STAB1: variants seen among roughly 807,000 people sequenced by gnomAD.
The protein encoded by STAB1 is stabilin-1.
In STAB1, 250 loss-of-function variants were observed where a neutral mutation model predicts 332.4. That is an observed-to-expected ratio of 0.75 (90% CI 0.68 to 0.84). The LOEUF is 0.84. Ranked by LOEUF, STAB1 falls within the 40% of genes least tolerant of loss-of-function variation. STAB1 has a pLI of 0.00. For missense variants in STAB1, 3,249 were observed against 3,489.7 expected (o/e 0.93, Z 1.74); for synonymous variants, 1,475 against 1,390.4 (o/e 1.06, Z -1.35).
rs754305082 is a variant in STAB1 at position 52,517,619 on chromosome 3, T to C, written c.4633T>C (p.Ser1545Pro). The C allele has an allele frequency of 2.9e-5, 46 of 1,612,606 alleles. No homozygotes were observed. Among genetic ancestry groups the C allele is most frequent in the Non-Finnish European group, 3.7e-5 (44 of 1,179,852 alleles). The change falls in exon 44 of 69, where the codon TCT becomes CCT. Residue 1545 changes from serine to proline, a missense_variant. Transcript: ENST00000321725. ...IRTCELLDPC[S>P]KNNGGCSPYA... ...GACCTGCGAGCTCCTGGACCCCTGC[T>C]CTAAGGTCAGGACCCTAGTCCTGTC...
At chr3:52,521,753 C>T (rs527801406) in intron 57 of STAB1, 53 bp downstream of exon 57, 11 of 1,607,090 alleles carry the variant, frequency 6.8e-6, no homozygotes, top group African/African-American at 6.7e-5. Flanking sequence ...CATGTGCACA[C>T]ATCAGTAAAG....
chr3:52,499,022 G>A (rs1044470759), intron 1 of STAB1, among the ~76,000 whole-genome samples: 2 of 152,228 alleles, frequency 1.3e-5, no homozygotes, highest in Non-Finnish European at 2.9e-5. Context: ...AGTGTCAGGG[G>A]CACCATTTCT....
At position 52,522,175 on chromosome 3, in the gene STAB1, C is replaced by G; in HGVS notation, c.6410C>G (p.Thr2137Arg). The G allele has an allele frequency of 6.2e-7, 1 of 1,612,766 alleles. No homozygotes were observed. Among genetic ancestry groups the G allele is most frequent in the African/African-American group, 1.3e-5 (1 of 75,010 alleles). The change falls in exon 59 of 69, where the codon ACA becomes AGA. Residue 2137 changes from threonine (T) to arginine (R), a missense_variant. By Grantham distance (71) the Thr-to-Arg change is moderately conservative (BLOSUM62 -1). Transcript: ENST00000321725. Reference sequence around the variant, plus strand: ...AGCTGCCGGGCCCGCAACCCCTGCACAGATGGCCACCGCGGGGGCTGCAGC... The same window carrying G: ...AGCTGCCGGGCCCGCAACCCCTGCAGAGATGGCCACCGCGGGGGCTGCAGC... The part of the protein sequence containing the change: ...GWSCRARNPC[T>R]DGHRGGCSEH...
Position 52,503,733 on chromosome 3 carries a change from T to C in STAB1, c.892-39T>C, listed in dbSNP as rs777984186. ...GGGCAGACACCAGTGGTTCTTGGGG[T>C]TGGACGTGGTGTTCCCCTCCTGCCC... On this transcript the variant is annotated intron_variant, in intron 8 of 68. Transcript: ENST00000321725. 9 of 1,611,064 alleles carry C rather than the reference T, an allele frequency of 5.6e-6. No homozygotes were observed. The South Asian group carries it at 9.9e-5, about 18-fold the overall frequency.
chr3:52,495,631 G>A, intron 1 of STAB1, 140 bp downstream of exon 1: 1 of 770,088 alleles, frequency 1.3e-6, no homozygotes, highest in South Asian at 6.3e-5. Flanking sequence ...TAGCAGGCCT[G>A]GGGGCTGGCT....
At position 52,503,829 on chromosome 3, in the gene STAB1, T is replaced by C. The variant is rs1329692740; in HGVS notation, c.949T>C (p.Cys317Arg). ...VSINSNASAG[C>R]FAFCSPFSCD... is the part of the protein sequence containing the mutation. ...CATCAACAGCAACGCTTCTGCGGGC[T>C]GCTTCGCCTTCTGCTCCCCCTTCTC... The change falls in exon 9 of 69, where the codon TGC becomes CGC. Residue 317 changes from cysteine (C) to arginine (R), a missense_variant. Coordinates refer to ENST00000321725, the MANE Select transcript of STAB1 (RefSeq NM_015136.3). 16 of 1,613,130 alleles carry C rather than the reference T, an allele frequency of 9.9e-6. No individual in the cohort carries two copies. Among genetic ancestry groups the C allele is most frequent in the Non-Finnish European group, 1.3e-5 (15 of 1,180,024 alleles).
At position 52,502,683 on chromosome 3, in the gene STAB1, G is replaced by T. The variant is rs748069402; in HGVS notation, c.539G>T (p.Ser180Ile). Reference protein sequence around the residue: ...VCNHGPRGDGSCLCFAGYTGP... With the variant: ...VCNHGPRGDGICLCFAGYTGP... ...AACCATGGGCCACGTGGGGATGGAA[G>T]CTGCCTGTGCTTTGCTGGATACACT... The change falls in exon 6 of 69, where the codon AGC (serine) becomes ATC (isoleucine). Residue 180 changes from serine to isoleucine, a missense_variant. Transcript: ENST00000321725. 1.2e-6 allele frequency: 2 copies of T among 1,613,900 alleles called. No homozygotes were observed. The highest frequency in any genetic ancestry group is 2.2e-5 in the South Asian group (2 of 91,082).
rs765633314 is a variant in STAB1 at position 52,509,216 on chromosome 3, G to A, written c.2242G>A (p.Asp748Asn). The part of the protein sequence containing the change: ...NPCYGKGNCS[D>N]GIQGNGACLC... ...CCTTCTGCTCACTCTCTAGTGCAGT[G>A]ATGGGATCCAGGGCAATGGGGCCTG... The change falls in exon 22 of 69, where the codon GAT (aspartate) becomes AAT (asparagine). Residue 748 changes from aspartate to asparagine, a missense_variant. Coordinates refer to ENST00000321725, the MANE Select transcript of STAB1 (RefSeq NM_015136.3). 6.2e-7 allele frequency: 1 copy of A among 1,613,544 alleles called. No individual in the cohort carries two copies. Among genetic ancestry groups the A allele is most frequent in the Non-Finnish European group, 8.5e-7 (1 of 1,179,892 alleles).
chr3:52,511,768 G>GCCTGGGGAAGCTTC (rs1559694905), intron 26 of STAB1, 23 bp downstream of exon 26: 1 of 1,545,820 alleles, frequency 6.5e-7, no homozygotes, highest in East Asian at 2.4e-5. Flanking sequence ...AAGGCTCAGA[G>GCCTGGGGAAGCTTC]CCCTGGGGAA....
chr3:52,513,012 C>G (rs1709408346), intron 29 of STAB1, 54 bp downstream of exon 29: 2 of 1,585,256 alleles, frequency 1.3e-6, no homozygotes, highest in African/African-American at 1.4e-5. Flanking sequence ...GACCCAGTCC[C>G]TCCCCAGCGA....
chr3:52,507,818 C>T (rs978342909), intron 19 of STAB1, 113 bp from the exon 20 acceptor site: 1 of 1,445,208 alleles, frequency 6.9e-7, no homozygotes, highest in Non-Finnish European at 9.6e-7. Context: ...CCCCACTGGA[C>T]CAGGGTTAGA....
In STAB1 at chr3:52,523,251, G is replaced by A. The variant is rs371825925; in HGVS notation, c.7050G>A (p.Gln2350=). 3.7e-5 allele frequency: 59 copies of A among 1,613,210 alleles called. No individual in the cohort carries two copies. Among genetic ancestry groups the A allele is most frequent in the Admixed American group, 8.3e-5 (5 of 60,014 alleles). Residue 2350 remains glutamine (Q), a synonymous_variant, in exon 64 of 69, where the codon CAG becomes CAA. Coordinates refer to ENST00000321725, the MANE Select transcript of STAB1 (RefSeq NM_015136.3). ...GMLLGYANAT[Q]RGLDFLDFLD... ...TATTGGGCTATGCCAATGCCACCCAGCGGGGTCTCGACTTCCTGGACTTCC... is the reference window on the plus strand; with the variant it reads ...TATTGGGCTATGCCAATGCCACCCAACGGGGTCTCGACTTCCTGGACTTCC...
chr3:52,521,204 G>C (rs1481422676), intron 55 of STAB1, among the ~76,000 whole-genome samples, 157 bp from the exon 56 acceptor site: 1 of 152,298 alleles, frequency 6.6e-6, no homozygotes, highest in East Asian at 1.9e-4. Flanking sequence ...AGGAGTGCTG[G>C]GGGGTCTGGA....
At position 52,518,774 on chromosome 3, in the gene STAB1, G is replaced by A. The variant is rs751223654; in HGVS notation, c.4939G>A (p.Val1647Met). Residue 1647 changes from valine (V) to methionine (M), a missense_variant, in exon 48 of 69, where the codon GTG becomes ATG. Transcript: ENST00000321725. ...AHRQLVFRYHVVGCRRLRSED... is the reference protein window; with the variant it reads ...AHRQLVFRYHMVGCRRLRSED... ...TCGCCAGCTGGTGTTTCGCTACCAC[G>A]TGGTTGGCTGTCGGCGGCTGCGGAG... The A allele has an allele frequency of 3.1e-6, 5 of 1,612,502 alleles. No individual in the cohort carries two copies. The highest frequency in any genetic ancestry group is 2.2e-5 in the East Asian group (1 of 44,874).
intron 43 of STAB1, 64 bp from the exon 44 acceptor site, chr3:52,517,486 T>C: frequency 6.3e-7 from 1 of 1,596,234 alleles, no homozygotes. Context: ...GGGGTGACCC[T>C]TTTACCCAGG....
chr3:52,510,436 G>A lies in STAB1; in HGVS notation c.2716G>A (p.Asp906Asn), dbSNP rs112757325. ...SGDGRVCVAI[D>N]ECELDMRGGC... is the part of the protein sequence containing the mutation. ...GGATGGCCGCGTCTGTGTGGCTATTGACGAGTGTGAGCTGGACATGAGAGG... is the reference window on the plus strand; with the variant it reads ...GGATGGCCGCGTCTGTGTGGCTATTAACGAGTGTGAGCTGGACATGAGAGG... Residue 906 changes from aspartate to asparagine, a missense_variant, in exon 25 of 69, where the codon GAC (aspartate) becomes AAC (asparagine). Coordinates refer to ENST00000321725, the MANE Select transcript of STAB1 (RefSeq NM_015136.3). The A allele has an allele frequency of 6.2e-7, 1 of 1,613,862 alleles. No individual in the cohort carries two copies. The highest frequency in any genetic ancestry group is 1.7e-5 in the Admixed American group (1 of 60,024).
In STAB1 at chr3:52,523,733, C is replaced by A. The variant is rs1385464656; in HGVS notation, c.7372C>A (p.Pro2458Thr). 6.2e-7 allele frequency: 1 copy of A among 1,600,206 alleles called. No individual in the cohort carries two copies. Among genetic ancestry groups the A allele is most frequent in the Admixed American group, 1.7e-5 (1 of 59,828 alleles). The stretch of plus-strand genomic sequence containing the variant: ...TGGCATCATCCATGCTCTGGCCAGC[C>A]CCCTCCTGGCACCCCCACAGCCCGT... The part of the protein sequence containing the change: ...FNGIIHALAS[P>T]LLAPPQPQAV... Residue 2458 changes from proline (P) to threonine (T), a missense_variant, in exon 66 of 69, where the codon CCC becomes ACC. Transcript: ENST00000321725.
Position 52,523,834 on chromosome 3 carries a change from C to T in STAB1, c.7396-37C>T, listed in dbSNP as rs765358346. The T allele has an allele frequency of 1.3e-5, 20 of 1,584,186 alleles. No homozygotes were observed. In the Admixed American group the frequency reaches 1.4e-4, roughly 11 times the overall value. On this transcript the variant is annotated intron_variant, in intron 66 of 68. Transcript: ENST00000321725. Reference sequence around the variant, plus strand: ...GAGCCCGGGGAAGGTGGTGGGACAGCTCCCGCCAGGTCAACACTCTCCCTG... The same window carrying T: ...GAGCCCGGGGAAGGTGGTGGGACAGTTCCCGCCAGGTCAACACTCTCCCTG...
Position 52,521,864 on chromosome 3 carries a change from C to A in STAB1, c.6184C>A (p.Pro2062Thr), listed in dbSNP as rs2079082565. 2 of 1,602,504 alleles carry A rather than the reference C, an allele frequency of 1.2e-6. No homozygotes were observed. The highest frequency in any genetic ancestry group is 1.7e-5 in the Admixed American group (1 of 59,532). Residue 2062 changes from proline to threonine, a missense_variant, in exon 58 of 69, where the codon CCA becomes ACA. Physicochemically the swap from Pro to Thr is conservative, Grantham distance 38. Transcript: ENST00000321725. Reference sequence around the variant, plus strand: ...GACAGAGCTGCAGCCTGTGTGTACCCCACCCTGTGCACCCGAGGCTGTGTG... The same window carrying A: ...GACAGAGCTGCAGCCTGTGTGTACCACACCCTGTGCACCCGAGGCTGTGTG... ...VQLELQPVCT[P>T]PCAPEAVCRA...
Sources: gnomAD v4.1 joint callset for allele counts (sites outside exome capture counted in the v4.1 genomes callset) on GRCh38, gnomAD v4.1.1 for gene constraint, MANE v1.5 for transcripts, NCBI Gene and HGNC (gene_info 2026-07-23, HGNC 2026-07-21) for gene names.